The following HIVEP2 variants were observed in gnomAD, a reference collection of about 807,000 sequenced individuals.
HIVEP2 encodes transcription factor HIVEP2.
A neutral mutation model predicts 180.7 loss-of-function variants in HIVEP2; 14 were observed. The observed-to-expected ratio is 0.08, with a 90% confidence interval of 0.05 to 0.12. HIVEP2 has a LOEUF of 0.12. Ranked by LOEUF, HIVEP2 falls within the 10% of genes least tolerant of loss-of-function variation. The pLI, the probability that HIVEP2 is intolerant of heterozygous loss-of-function variation, is 1.00. For missense variants in HIVEP2, 2,579 were observed against 3,008.5 expected (o/e 0.86, Z 3.34); for synonymous variants, 1,184 against 1,136.4 (o/e 1.04, Z -0.84).
intron 1 of HIVEP2, among the ~76,000 whole-genome samples, chr6:142,858,296 T>C (rs1349246283): frequency 2.0e-5 from 3 of 152,000 alleles, no homozygotes; most frequent in Admixed American, 1.3e-4. Context: ...CTCACTTCAC[T>C]CTGGCCCCTC....
chr6:142,787,390 A>G (rs892361069), intron 2 of HIVEP2, among the ~76,000 whole-genome samples: 149 of 152,266 alleles, frequency 9.8e-4, no homozygotes, highest in African/African-American at 3.3e-3. Flanking sequence ...TACATGTTTA[A>G]AAGAATGAAC....
intron 1 of HIVEP2, among the ~76,000 whole-genome samples, chr6:142,901,226 T>C (rs1777125871): frequency 6.6e-6 from 1 of 152,192 alleles, no homozygotes; most frequent in Admixed American, 6.5e-5. Context: ...TTTGTGACCT[T>C]ATCACATCTA....
At position 142,895,970 on chromosome 6, in the gene HIVEP2, G is replaced by A. The variant is rs138151072; in HGVS notation, c.-641+49129C>T. Among the ~76,000 whole-genome samples the A allele has an allele frequency of 1.8e-4, 28 of 152,186 alleles. No homozygotes were observed. The East Asian group carries it at 5.0e-3, about 27-fold the overall frequency. Reference sequence around the variant, plus strand: ...TACCTTATTGAACCAATTAATGGCCGATGTTAGAGAAAAACATTCAAATAA... The same window carrying A: ...TACCTTATTGAACCAATTAATGGCCAATGTTAGAGAAAAACATTCAAATAA... On this transcript the variant is annotated intron_variant, in intron 1 of 9. Coordinates refer to ENST00000367603, the MANE Select transcript of HIVEP2 (RefSeq NM_006734.4).
chr6:142,939,149 C>CTG (rs1294923725), intron 1 of HIVEP2, among the ~76,000 whole-genome samples: 1 of 151,922 alleles, frequency 6.6e-6, no homozygotes, highest in Non-Finnish European at 1.5e-5. Context: ...AATTGACAAC[C>CTG]TGTCATACAC....
At chr6:142,879,167 A>G (rs1430459561) in intron 1 of HIVEP2, among the ~76,000 whole-genome samples, 1 of 152,126 alleles carries the variant, frequency 6.6e-6, no homozygotes, top group African/African-American at 2.4e-5. Context: ...ACTGTAGGCA[A>G]TGGGTACTCA....
intron 1 of HIVEP2, among the ~76,000 whole-genome samples, chr6:142,845,843 C>G (rs1217909688): frequency 6.6e-6 from 1 of 152,216 alleles, no homozygotes; most frequent in Non-Finnish European, 1.5e-5. Context: ...GGCCCTCCCC[C>G]GGACAACAAG....
intron 2 of HIVEP2, among the ~76,000 whole-genome samples, chr6:142,805,155 GAGTA>G (rs1776515289): frequency 6.6e-6 from 1 of 152,120 alleles, no homozygotes; most frequent in Admixed American, 6.6e-5. Flanking sequence ...GTAAACAGGG[GAGTA>G]ATTACATGGG....
intron 2 of HIVEP2, among the ~76,000 whole-genome samples, chr6:142,826,397 T>C (rs908357567): frequency 7.9e-5 from 12 of 152,190 alleles, no homozygotes; most frequent in African/African-American, 2.7e-4. Context: ...ATTCCGACCA[T>C]GATCACTGGT....
chr6:142,877,228 C>G (rs1776465245), intron 1 of HIVEP2, among the ~76,000 whole-genome samples: 1 of 152,134 alleles, frequency 6.6e-6, no homozygotes, highest in East Asian at 1.9e-4. Flanking sequence ...GTAGTCCAAC[C>G]TGTGCACTAA....
intron 1 of HIVEP2, among the ~76,000 whole-genome samples, chr6:142,937,178 A>G (rs1490581601): frequency 6.6e-6 from 1 of 152,226 alleles, no homozygotes; most frequent in East Asian, 1.9e-4. Flanking sequence ...GAAACACCCC[A>G]GATTTTAATT....
At chr6:142,841,139 T>TC (rs754774790) in intron 1 of HIVEP2, among the ~76,000 whole-genome samples, 33 of 152,258 alleles carry the variant, frequency 2.2e-4, no homozygotes, top group South Asian at 2.1e-3. Context: ...ATACATTTTT[T>TC]CCTGTAAATT....
chr6:142,945,536 G>T (rs912146013), upstream of HIVEP2, among the ~76,000 whole-genome samples: 2 of 152,180 alleles, frequency 1.3e-5, no homozygotes, highest in African/African-American at 4.8e-5. The surrounding 1 kb of genome is among the most constrained non-coding windows in gnomAD (Gnocchi z 5.5). Flanking sequence ...CTCTCGCGGT[G>T]GCCGGTCCGC....
intron 9 of HIVEP2, among the ~76,000 whole-genome samples, chr6:142,756,545 G>C (rs1479788143): frequency 6.6e-6 from 1 of 152,114 alleles, no homozygotes; most frequent in Non-Finnish European, 1.5e-5. Context: ...CAGATAACAA[G>C]GGATAGGAAT....
chr6:142,769,735 C>A lies in HIVEP2; in HGVS notation c.5004G>T (p.Ser1668=). 1 of 1,614,146 alleles carries A rather than the reference C, an allele frequency of 6.2e-7. No individual in the cohort carries two copies. The change falls in exon 5 of 10, where the codon TCG becomes TCT. Residue 1668 remains serine, a synonymous_variant. Transcript: ENST00000367603. ...NYVQQATFKS[S]VYASWCISSC... is the part of the protein sequence containing the mutation. ...AACTAATGCACCATGAAGCATAAACCGAGGATTTGAAGGTGGCCTGTTGCA... is the reference window on the plus strand; with the variant it reads ...AACTAATGCACCATGAAGCATAAACAGAGGATTTGAAGGTGGCCTGTTGCA...
At chr6:142,926,737 G>A (rs953513686) in intron 1 of HIVEP2, among the ~76,000 whole-genome samples, 1 of 152,142 alleles carries the variant, frequency 6.6e-6, no homozygotes, top group East Asian at 1.9e-4. Flanking sequence ...GACACGCTGG[G>A]GCCAGTGAAC....
At chr6:142,762,115 T>C (rs1775258112) in intron 7 of HIVEP2, among the ~76,000 whole-genome samples, 2 of 152,108 alleles carry the variant, frequency 1.3e-5, no homozygotes, top group Admixed American at 1.3e-4. Context: ...CTCTGAAAGA[T>C]CCATACAAAT....
chr6:142,922,351 C>G (rs993547363), intron 1 of HIVEP2, among the ~76,000 whole-genome samples: 4 of 152,156 alleles, frequency 2.6e-5, no homozygotes, highest in African/African-American at 9.7e-5. Context: ...TATCCTAATT[C>G]TTGAATTGCA....
chr6:142,932,984 G>A (rs995776978), intron 1 of HIVEP2, among the ~76,000 whole-genome samples: 1 of 152,266 alleles, frequency 6.6e-6, no homozygotes, highest in Admixed American at 6.5e-5. Context: ...GACACTTTAA[G>A]AGATGCCCTA....
chr6:142,865,358 A>T (rs1776111883), intron 1 of HIVEP2, among the ~76,000 whole-genome samples: 1 of 152,140 alleles, frequency 6.6e-6, no homozygotes, highest in African/African-American at 2.4e-5. Context: ...AGACATAAAA[A>T]TCCTAATTTC....
Sources: gnomAD v4.1 joint callset for allele counts (sites outside exome capture counted in the v4.1 genomes callset) on GRCh38, gnomAD v4.1.1 for gene constraint, Gnocchi (gnomAD v3.1) non-coding constraint, MANE v1.5 for transcripts, NCBI Gene and HGNC (gene_info 2026-07-23, HGNC 2026-07-21) for gene names.